Variants in GCN1 observed in about 807,000 individuals in gnomAD.
GCN1 encodes stalled ribosome sensor GCN1.
A neutral mutation model predicts 288.4 loss-of-function variants in GCN1; 90 were observed. That is an observed-to-expected ratio of 0.31 (90% CI 0.26 to 0.37). The LOEUF (loss-of-function observed/expected upper bound fraction) is 0.37. Ranked by LOEUF, GCN1 falls within the 10% of genes least tolerant of loss-of-function variation. GCN1 has a pLI of 1.00. For synonymous variants in GCN1, 1,386 were observed against 1,420.2 expected (o/e 0.98, Z 0.54); for missense variants, 2,586 against 3,419.9 (o/e 0.76, Z 6.08).
chr12:120,131,717 G>A (rs1876831237), intron 54 of GCN1, among the ~76,000 whole-genome samples: 1 of 152,204 alleles, frequency 6.6e-6, no homozygotes, highest in Non-Finnish European at 1.5e-5. Flanking sequence ...GGGCTCAACT[G>A]ATCCTCCCAC....
intron 1 of GCN1, among the ~76,000 whole-genome samples, chr12:120,191,301 C>A (rs1255657695): frequency 3.3e-5 from 5 of 152,250 alleles, no homozygotes; most frequent in African/African-American, 4.8e-5. Flanking sequence ...AAATCTTTAG[C>A]TTTCAACAGC....
chr12:120,161,768 T>C (rs1877939382), intron 21 of GCN1, 112 bp downstream of exon 21: 1 of 1,120,066 alleles, frequency 8.9e-7, no homozygotes, highest in Admixed American at 1.9e-5. Context: ...GCTTAGCCAA[T>C]GAATGGATAG....
At chr12:120,178,426 CAG>C (rs2139134311) in intron 7 of GCN1, among the ~76,000 whole-genome samples, 197 bp downstream of exon 7, 2 of 152,312 alleles carry the variant, frequency 1.3e-5, no homozygotes, top group South Asian at 4.1e-4. Flanking sequence ...AAGCCAGAAA[CAG>C]AAGGGAAACT....
At chr12:120,177,373 TTGTTGCC>T in intron 9 of GCN1, 67 bp downstream of exon 9, 2 of 753,764 alleles carry the variant, frequency 2.7e-6, no homozygotes, top group South Asian at 3.2e-5. Context: ...CACACACTTC[TTGTTGCC>T]AAATATCGAG....
rs761143960 is a variant in GCN1, at chr12:120,159,970, C to A, written c.2604G>T (p.Lys868Asn). ...ALGLLDIILA[K>N]NPSGLTQYIP... ...TGTACTGGGTCAGGCCGGACGGGTT[C>A]TTGGCCAGGATGATGTCCAGCAGTC... Residue 868 changes from lysine (K) to asparagine (N), a missense_variant, in exon 24 of 58, where the codon AAG (lysine) becomes AAT (asparagine). By Grantham distance (94) the Lys-to-Asn change is moderately conservative. Coordinates refer to ENST00000300648, the MANE Select transcript of GCN1 (RefSeq NM_006836.2). 2 of 1,614,188 alleles carry A rather than the reference C, an allele frequency of 1.2e-6. No homozygotes were observed. Among genetic ancestry groups the A allele is most frequent in the Admixed American group, 3.3e-5 (2 of 60,024 alleles).
At chr12:120,147,419 C>G (rs1877397408) in intron 37 of GCN1, 147 bp from the exon 38 acceptor site, 3 of 459,916 alleles carry the variant, frequency 6.5e-6, no homozygotes, top group African/African-American at 5.8e-5. Context: ...CTGGGGAAGA[C>G]AGGAAACCCA....
chr12:120,185,914 A>G (rs1001976242), intron 2 of GCN1, among the ~76,000 whole-genome samples: 1 of 152,178 alleles, frequency 6.6e-6, no homozygotes, highest in African/African-American at 2.4e-5. Context: ...CCATTTTTAA[A>G]TGAAGAAACC....
chr12:120,131,440 G>A, intron 54 of GCN1, 107 bp from the exon 55 acceptor site: 5 of 1,107,494 alleles, frequency 4.5e-6, no homozygotes, highest in Non-Finnish European at 6.6e-6. Flanking sequence ...CTGACCCAGA[G>A]CACAAGGAAA....
intron 33 of GCN1, among the ~76,000 whole-genome samples, chr12:120,152,684 ATATT>A (rs1459315020): frequency 7.0e-6 from 1 of 143,224 alleles, no homozygotes; most frequent in Non-Finnish European, 1.5e-5. Flanking sequence ...AAATATATAT[ATATT>A]TATATATACA....
intron 51 of GCN1, among the ~76,000 whole-genome samples, chr12:120,135,387 G>A (rs1456060462): frequency 1.3e-5 from 2 of 151,314 alleles, no homozygotes; most frequent in Non-Finnish European, 1.5e-5. Flanking sequence ...TTTTTGAGAC[G>A]GAGTTTCGCT....
At position 120,148,487 on chromosome 12, in the gene GCN1, G is replaced by A. The variant is rs374093063; in HGVS notation, c.4547-141C>T. The A allele has an allele frequency of 9.4e-5, 63 of 669,552 alleles. 1 individual carries two copies. The highest frequency in any genetic ancestry group is 3.3e-4 in the East Asian group (12 of 36,170). 41.5% of individuals were successfully genotyped at this position (669,552 alleles called of 1,614,324 possible). On this transcript the variant is annotated intron_variant, in intron 36 of 57. Transcript: ENST00000300648. ...GCAGTCACTGGGAGGAGGGGAGAGG[G>A]GGCTGGCTCTAGCAGAGGGGTCGAA...
chr12:120,130,512 A>T (rs1474892714), intron 56 of GCN1, 134 bp downstream of exon 56: 3 of 652,402 alleles, frequency 4.6e-6, no homozygotes, highest in Non-Finnish European at 8.5e-6. Context: ...CTAAGTGTTC[A>T]GCGATCTCCT....
In GCN1 at chr12:120,142,977, C is replaced by G; in HGVS notation, c.5496-36G>C. 7.7e-7 allele frequency: 1 copy of G among 1,303,346 alleles called. No individual in the cohort carries two copies. Among genetic ancestry groups the G allele is most frequent in the African/African-American group, 1.4e-5 (1 of 69,268 alleles). 80.7% of individuals were successfully genotyped at this position (1,303,346 alleles called of 1,614,324 possible). A position where few individuals can be genotyped will look rare whatever the true frequency, so the allele number is the denominator to read the frequency against. ...GGCCAACAACACAGTCACACAGCTG[C>G]AAGGAGTGGGCTCGGCACAACTGAG... On this transcript the variant is annotated intron_variant, in intron 42 of 57. Coordinates refer to ENST00000300648, the MANE Select transcript of GCN1 (RefSeq NM_006836.2). This position sits in a 1 kb window ranked among gnomAD's most constrained non-coding sequence, Gnocchi z 4.9.
intron 38 of GCN1, among the ~76,000 whole-genome samples, chr12:120,145,884 T>C (rs1877345222): frequency 6.6e-6 from 1 of 152,240 alleles, no homozygotes; most frequent in South Asian, 2.1e-4. Flanking sequence ...ATTATGTAAC[T>C]ATTAAAAATC....
chr12:120,139,724 A>G (rs572022653), intron 45 of GCN1, among the ~76,000 whole-genome samples: 1 of 152,214 alleles, frequency 6.6e-6, no homozygotes, highest in South Asian at 2.1e-4. Context: ...TGAATTCTCA[A>G]TATACCTCCC....
chr12:120,184,130 G>C lies in GCN1; in HGVS notation c.299C>G (p.Ser100Cys), dbSNP rs1038086903. 6.2e-7 allele frequency: 1 copy of C among 1,613,284 alleles called. No homozygotes were observed. Among genetic ancestry groups the C allele is most frequent in the African/African-American group, 1.3e-5 (1 of 74,924 alleles). Residue 100 changes from serine (S) to cysteine (C), a missense_variant, in exon 4 of 58, where the codon TCC becomes TGC. This residue lies in a region of GCN1 where 913 missense variants were observed against 1,107.0 expected (regional missense o/e 0.82). Coordinates refer to ENST00000300648, the MANE Select transcript of GCN1 (RefSeq NM_006836.2). Reference protein sequence around the residue: ...LHSLQSSGIGSKAGVPSKSSG... With the variant: ...LHSLQSSGIGCKAGVPSKSSG... ...CTCTTACCTGGGAACACCTGCTTTG[G>C]AGCCTATACCAGAAGACTGCAGAGA...
At chr12:120,187,889 A>C (rs79977336) in intron 2 of GCN1, among the ~76,000 whole-genome samples, 1 of 149,806 alleles carries the variant, frequency 6.7e-6, no homozygotes, top group African/African-American at 2.5e-5. Context: ...AAAGAAATGA[A>C]AAAAAAAAAA....
chr12:120,173,959 T>G, intron 13 of GCN1, 112 bp downstream of exon 13: 6 of 1,032,288 alleles, frequency 5.8e-6, no homozygotes, highest in Non-Finnish European at 8.9e-6. Flanking sequence ...CGAGCCTTGC[T>G]CTGAGGGAGG....
At position 120,178,624 on chromosome 12, in the gene GCN1, C is replaced by A; in HGVS notation, c.660+1G>T. On this transcript the variant is annotated splice_donor_variant, in intron 7 of 57. Coordinates refer to ENST00000300648, the MANE Select transcript of GCN1 (RefSeq NM_006836.2). LOFTEE classifies it high-confidence loss of function. Reference sequence around the variant, plus strand: ...CACAGTCACTCTGCCTTGGCACTTGCCTTGTGCTGACTGACCACGTCCATC... The same window carrying A: ...CACAGTCACTCTGCCTTGGCACTTGACTTGTGCTGACTGACCACGTCCATC... 1 of 1,614,222 alleles carries A rather than the reference C, an allele frequency of 6.2e-7. No individual in the cohort carries two copies. Among genetic ancestry groups the A allele is most frequent in the Non-Finnish European group, 8.5e-7 (1 of 1,180,020 alleles).
Sources: gnomAD v4.1 joint callset for allele counts (sites outside exome capture counted in the v4.1 genomes callset) on GRCh38, gnomAD v4.1.1 for gene constraint, gnomAD v4.1.1 regional missense constraint, Gnocchi (gnomAD v3.1) non-coding constraint, MANE v1.5 for transcripts, NCBI Gene and HGNC (gene_info 2026-07-23, HGNC 2026-07-21) for gene names.